The following CST3 variants were observed in gnomAD, a reference collection of about 807,000 sequenced individuals.
CST3 encodes the protein cystatin C.
Under a neutral mutation model 9.0 loss-of-function variants are expected in CST3, and 14 were observed. The observed-to-expected ratio is 1.56, with a 90% confidence interval of 1.03 to 2.44. The LOEUF (loss-of-function observed/expected upper bound fraction) is 2.44, where lower values mean the gene tolerates loss of function less well. Ranked by LOEUF, CST3 falls within the 30% of genes most tolerant of loss-of-function variation. CST3 has a pLI of 0.00. For synonymous variants in CST3, 96 were observed against 90.2 expected, an observed-to-expected ratio of 1.06 and a Z score of -0.37; for missense variants, 237 against 204.3, an observed-to-expected ratio of 1.16 and a Z score of -0.98.
chr20:23,630,407 C>T (rs766914574), downstream of CST3, among the ~76,000 whole-genome samples: 12 of 152,190 alleles, frequency 7.9e-5, no homozygotes, highest in Non-Finnish European at 1.5e-4. Flanking sequence ...ATCCCAGCAC[C>T]AAGGGTGAGA....
chr20:23,631,566 G>A (rs932181137), downstream of CST3, among the ~76,000 whole-genome samples: 21 of 152,190 alleles, frequency 1.4e-4, no homozygotes, highest in East Asian at 1.5e-3. Flanking sequence ...GCCTCTCTTC[G>A]GCCTCTCAGC....
downstream of CST3, chr20:23,633,613 C>T: frequency 3.6e-6 from 2 of 551,600 alleles, no homozygotes; most frequent in Non-Finnish European, 6.6e-6. Flanking sequence ...CTGCGGAAAC[C>T]CTGCCTGTGT....
chr20:23,637,834 AGCAGCGGG>A lies in CST3; in HGVS notation c.21_28del (p.Leu9AlafsTer102). The A allele has an allele frequency of 7.0e-7, 1 of 1,430,768 alleles. No individual in the cohort carries two copies. The highest frequency in any genetic ancestry group is 9.1e-7 in the Non-Finnish European group (1 of 1,095,610). 88.6% of individuals were successfully genotyped at this position (1,430,768 alleles called of 1,614,324 possible). A position where few individuals can be genotyped will look rare whatever the true frequency, so the allele number is the denominator to read the frequency against. On this transcript the variant is annotated frameshift_variant, in exon 1 of 3. Transcript: ENST00000376925. LOFTEE classifies it high-confidence loss of function. ...GGCCACGGCCAGGATGGCCAGCAGG[AGCAGCGGG>A]GCGCGCAGGGGCCCGGCCATGGTCG...
In CST3 at chr20:23,637,792, G is replaced by A; in HGVS notation, c.71C>T (p.Ala24Val). ...ILAVALAVSP[A>V]AGSSPGKPPR... The stretch of plus-strand genomic sequence containing the variant: ...CGGCTTGCCGGGACTGGAGCCGGCC[G>A]CGGGGCTCACGGCCAGGGCCACGGC... The change falls in exon 1 of 3, where the codon GCG becomes GTG. Residue 24 changes from alanine (A) to valine (V), a missense_variant. Transcript: ENST00000376925. The A allele has an allele frequency of 6.6e-7, 1 of 1,523,862 alleles. No homozygotes were observed. The highest frequency in any genetic ancestry group is 2.1e-5 in the Admixed American group (1 of 48,422). The allele number at this position is 1,523,862 out of a possible 1,614,324, so 94.4% of individuals were successfully genotyped here.
intron 2 of CST3, among the ~76,000 whole-genome samples, chr20:23,634,694 G>T (rs969805033): frequency 6.6e-6 from 1 of 152,044 alleles, no homozygotes; most frequent in African/African-American, 2.4e-5. Flanking sequence ...ACACTCCAAA[G>T]CACATAGGGT....
chr20:23,637,921 A>G lies in CST3; in HGVS notation c.-59T>C. 7.7e-7 allele frequency: 1 copy of G among 1,294,876 alleles called. No homozygotes were observed. The allele number at this position is 1,294,876 out of a possible 1,614,324, so 80.2% of individuals were successfully genotyped here. On this transcript the variant is annotated 5_prime_UTR_variant, in exon 1 of 3. Transcript: ENST00000376925. ...CGCAGGCGAGAGGCTGGAGCTAGATAGAGAGGACCCGCTGCGATACCGAGG... is the reference window on the plus strand; with the variant it reads ...CGCAGGCGAGAGGCTGGAGCTAGATGGAGAGGACCCGCTGCGATACCGAGG...
chr20:23,632,786 A>G (rs1012819983), downstream of CST3, among the ~76,000 whole-genome samples: 1 of 152,184 alleles, frequency 6.6e-6, no homozygotes, highest in Non-Finnish European at 1.5e-5. Context: ...AAAGGGAAGG[A>G]CTGTGCAGGG....
At chr20:23,637,159 G>A (rs1979709017) in intron 1 of CST3, among the ~76,000 whole-genome samples, 1 of 152,230 alleles carries the variant, frequency 6.6e-6, no homozygotes. Flanking sequence ...TGCTCTGTAA[G>A]TCTGAAATTA....
chr20:23,630,996 G>T (rs937751819), downstream of CST3, among the ~76,000 whole-genome samples: 6 of 151,972 alleles, frequency 3.9e-5, no homozygotes, highest in Admixed American at 2.6e-4. Flanking sequence ...AAAATGAAAG[G>T]CTCAAATGTT....
chr20:23,631,099 G>C (rs191045477), downstream of CST3, among the ~76,000 whole-genome samples: 1 of 151,826 alleles, frequency 6.6e-6, no homozygotes, highest in Admixed American at 6.5e-5. Context: ...AATACATTTA[G>C]AAAACAAAAT....
Position 23,633,889 on chromosome 20 carries a change from A to T in CST3, c.*27T>A. ...GTGGGAGGTGTGCATAAGAGGTGAT[A>T]GGCACAGGCCAGCCCGGTACAGACC... On this transcript the variant is annotated 3_prime_UTR_variant, in exon 3 of 3. Coordinates refer to ENST00000376925, the MANE Select transcript of CST3 (RefSeq NM_000099.4). 6.3e-7 allele frequency: 1 copy of T among 1,595,092 alleles called. No homozygotes were observed. The highest frequency in any genetic ancestry group is 8.6e-7 in the Non-Finnish European group (1 of 1,162,770).
chr20:23,635,144 C>G, intron 2 of CST3, 110 bp downstream of exon 2: 1 of 967,142 alleles, frequency 1.0e-6, no homozygotes, highest in South Asian at 1.3e-5. Context: ...TGTACACACA[C>G]TCAGGCACAT....
In CST3 at chr20:23,636,665, C is replaced by T. The variant is rs116367834; in HGVS notation, c.243+955G>A. Among the ~76,000 whole-genome samples, 673 of 152,306 alleles carry T rather than the reference C, an allele frequency of 4.4e-3. 6 individuals carry two copies. The highest frequency in any genetic ancestry group is 0.015 in the African/African-American group (618 of 41,562). On this transcript the variant is annotated intron_variant, in intron 1 of 2. Transcript: ENST00000376925. ...ATGAGCCGCATGGCCTAGATCTCAT[C>T]TTGAGCAGCATCAAGCCCACCCAGA...
intron 2 of CST3, 61 bp downstream of exon 2, chr20:23,635,193 C>CAT: frequency 7.2e-7 from 1 of 1,384,608 alleles, no homozygotes; most frequent in African/African-American, 1.4e-5. Context: ...CACACACACA[C>CAT]ACACACACAC....
At chr20:23,628,031 A>T (rs576604577) in exon 4 of CST3, 3 of 150,912 alleles carry the variant, frequency 2.0e-5, no homozygotes, top group Admixed American at 1.3e-4. Context: ...AATTTGCAAA[A>T]TTTTTTTCCT....
At chr20:23,632,510 C>T (rs1283356032), downstream of CST3, among the ~76,000 whole-genome samples, 1 of 152,166 alleles carries the variant, frequency 6.6e-6, no homozygotes, top group East Asian at 1.9e-4. Context: ...CCCAAAGACC[C>T]TGTTAAAGCA....
downstream of CST3, among the ~76,000 whole-genome samples, chr20:23,630,772 TAAA>T (rs34339274): frequency 5.1e-5 from 7 of 136,604 alleles, no homozygotes; most frequent in Non-Finnish European, 1.1e-4. Context: ...AAGGCAGAGT[TAAA>T]AAAAAAAAAA....
intron 1 of CST3, among the ~76,000 whole-genome samples, chr20:23,636,810 C>T (rs965767718): frequency 6.6e-6 from 1 of 152,196 alleles, no homozygotes; most frequent in African/African-American, 2.4e-5. Flanking sequence ...TGAACTCATG[C>T]ACTCATGGCC....
chr20:23,628,475 C>G (rs1020441032), exon 4 of CST3: 2 of 152,186 alleles, frequency 1.3e-5, no homozygotes. Context: ...AGGTCCTCCA[C>G]TTTCTGCAAG....
Sources: gnomAD v4.1 joint callset for allele counts (sites outside exome capture counted in the v4.1 genomes callset) on GRCh38, gnomAD v4.1.1 for gene constraint, MANE v1.5 for transcripts, NCBI Gene and HGNC (gene_info 2026-07-23, HGNC 2026-07-21) for gene names.